Variants in SPAG6 observed in about 807,000 individuals in gnomAD.
SPAG6 encodes sperm associated antigen 6.
Under a neutral mutation model 58.5 loss-of-function variants are expected in SPAG6, and 49 were observed. The ratio of observed to expected loss-of-function variants is 0.84; its 90% CI spans 0.67 to 1.06. The LOEUF (loss-of-function observed/expected upper bound fraction) is 1.06. Ranked by LOEUF, SPAG6 falls within the 50% of genes least tolerant of loss-of-function variation. SPAG6 has a pLI of 0.00. For missense variants in SPAG6, 560 were observed against 611.3 expected (o/e 0.92, Z 0.89); for synonymous variants, 233 against 225.6 (o/e 1.03, Z -0.29).
At chr10:22,364,557 T>C (rs952021100) in intron 2 of SPAG6, among the ~76,000 whole-genome samples, 2 of 152,230 alleles carry the variant, frequency 1.3e-5, no homozygotes, top group African/African-American at 4.8e-5. Context: ...TTTCTCTGCA[T>C]GCCTCATAAT....
At chr10:22,363,237 T>A (rs1042337178) in intron 2 of SPAG6, among the ~76,000 whole-genome samples, 3 of 152,172 alleles carry the variant, frequency 2.0e-5, no homozygotes, top group African/African-American at 7.2e-5. Flanking sequence ...TACAAAGAGA[T>A]GGACAATTTT....
intron 4 of SPAG6, among the ~76,000 whole-genome samples, chr10:22,377,857 C>G (rs1833853508): frequency 6.6e-6 from 1 of 152,140 alleles, no homozygotes; most frequent in Non-Finnish European, 1.5e-5. Flanking sequence ...GATTGTGCTC[C>G]TTGAAGACAG....
At chr10:22,363,889 A>G (rs1204070261) in intron 2 of SPAG6, among the ~76,000 whole-genome samples, 1 of 152,212 alleles carries the variant, frequency 6.6e-6, no homozygotes, top group East Asian at 1.9e-4. Flanking sequence ...GTCAACGGGT[A>G]CTTTGTTATA....
intron 2 of SPAG6, among the ~76,000 whole-genome samples, chr10:22,356,616 T>C (rs1836875438): frequency 1.3e-5 from 2 of 152,240 alleles, no homozygotes; most frequent in Admixed American, 6.5e-5. Flanking sequence ...TTGAGGCTTC[T>C]TCAACAGTGG....
intron 10 of SPAG6, 28 bp downstream of exon 10, chr10:22,411,204 A>G (rs1264862763): frequency 6.4e-7 from 1 of 1,569,268 alleles, no homozygotes; most frequent in Admixed American, 1.9e-5. Flanking sequence ...TGAAACGTTC[A>G]ATATTAGAAT....
At position 22,345,870 on chromosome 10, in the gene SPAG6, G is replaced by A. The variant is rs763287982; in HGVS notation, c.121+52G>A. On this transcript the variant is annotated intron_variant, in intron 2 of 10. Coordinates refer to ENST00000376624, the MANE Select transcript of SPAG6 (RefSeq NM_012443.4). The surrounding 1 kb of genome is among the most constrained non-coding windows in gnomAD (Gnocchi z 6.3). ...GCCCCCCGCGCACTGAGTCCCCGAC[G>A]CCTCCGCCCCGCTGCCCTGCCCGTG... 1.3e-6 allele frequency: 2 copies of A among 1,585,738 alleles called. No homozygotes were observed. Among genetic ancestry groups the A allele is most frequent in the Non-Finnish European group, 1.7e-6 (2 of 1,166,376 alleles).
intron 9 of SPAG6, among the ~76,000 whole-genome samples, chr10:22,403,313 T>C (rs1037907428): frequency 1.3e-5 from 2 of 150,964 alleles, no homozygotes; most frequent in South Asian, 2.1e-4. Context: ...GTCCCCAGAG[T>C]GTGATGTTCT....
intron 8 of SPAG6, among the ~76,000 whole-genome samples, chr10:22,396,657 T>C (rs1834300138): frequency 6.6e-6 from 1 of 151,476 alleles, no homozygotes; most frequent in African/African-American, 2.5e-5. Context: ...TCCCATAGTA[T>C]TGTCAATTTT....
intron 3 of SPAG6, among the ~76,000 whole-genome samples, chr10:22,368,073 A>G (rs1394716511): frequency 5.3e-5 from 8 of 152,234 alleles, no homozygotes; most frequent in African/African-American, 1.9e-4. Context: ...GACTGAGGGC[A>G]AGTAAAGGAA....
intron 10 of SPAG6, among the ~76,000 whole-genome samples, chr10:22,415,895 T>C (rs1834855151): frequency 6.6e-6 from 1 of 152,152 alleles, no homozygotes; most frequent in African/African-American, 2.4e-5. Flanking sequence ...ATGTAAGTTA[T>C]TTCCATGACG....
intron 2 of SPAG6, among the ~76,000 whole-genome samples, chr10:22,350,638 C>G (rs778746195): frequency 2.0e-4 from 31 of 152,158 alleles, no homozygotes; most frequent in Admixed American, 3.9e-4. Flanking sequence ...TTTCCCTATA[C>G]TTATTTGACT....
chr10:22,398,158 G>A (rs1418485621), intron 8 of SPAG6, among the ~76,000 whole-genome samples: 2 of 152,166 alleles, frequency 1.3e-5, no homozygotes, highest in Non-Finnish European at 2.9e-5. Context: ...GGAAAGAATA[G>A]TCTTTTCAAC....
At chr10:22,415,924 G>A (rs1467037058) in intron 10 of SPAG6, among the ~76,000 whole-genome samples, 1 of 152,066 alleles carries the variant, frequency 6.6e-6, no homozygotes, top group East Asian at 1.9e-4. Flanking sequence ...ATCTCACAAT[G>A]CACTGATCAA....
At chr10:22,346,396 C>T (rs1370362502) in intron 2 of SPAG6, among the ~76,000 whole-genome samples, 1 of 151,496 alleles carries the variant, frequency 6.6e-6, no homozygotes, top group East Asian at 1.9e-4. Flanking sequence ...GAGAGATCTT[C>T]TTATCTCATA....
chr10:22,388,454 A>T (rs1588660782), intron 6 of SPAG6, among the ~76,000 whole-genome samples: 3 of 152,160 alleles, frequency 2.0e-5, no homozygotes, highest in African/African-American at 4.8e-5. Flanking sequence ...TAGTGAGAAC[A>T]CTATTATAGC....
intron 4 of SPAG6, among the ~76,000 whole-genome samples, chr10:22,380,860 G>C (rs1177593688): frequency 6.6e-6 from 1 of 152,006 alleles, no homozygotes; most frequent in Non-Finnish European, 1.5e-5. Context: ...AAGAGATTAA[G>C]TTCCAGAGGA....
intron 10 of SPAG6, among the ~76,000 whole-genome samples, chr10:22,413,350 G>A (rs1033918834): frequency 1.3e-5 from 2 of 151,854 alleles, no homozygotes; most frequent in Non-Finnish European, 2.9e-5. Context: ...TGGCTAACAC[G>A]GTGAAACCCC....
At chr10:22,369,941 A>G (rs1260831846) in intron 4 of SPAG6, among the ~76,000 whole-genome samples, 3 of 152,212 alleles carry the variant, frequency 2.0e-5, no homozygotes, top group African/African-American at 7.2e-5. Context: ...AAAGAATTCC[A>G]CAGGATGGAA....
At chr10:22,407,038 C>T (rs1174236195) in intron 9 of SPAG6, among the ~76,000 whole-genome samples, 15 of 152,134 alleles carry the variant, frequency 9.9e-5, no homozygotes, top group African/African-American at 3.6e-4. Flanking sequence ...TGTCTCTGCA[C>T]GTGAGATGGG....
Sources: allele counts gnomAD v4.1 joint callset (sites outside exome capture counted in the v4.1 genomes callset), GRCh38; gene constraint gnomAD v4.1.1; non-coding constraint Gnocchi (gnomAD v3.1); transcripts MANE v1.5; gene names NCBI Gene and HGNC (gene_info 2026-07-23, HGNC 2026-07-21).